AMPH: variants seen among roughly 807,000 people sequenced by gnomAD.
AMPH encodes amphiphysin (Stiff-Mann syndrome with breast cancer 128kD autoantigen).
Under a neutral mutation model 99.1 loss-of-function variants are expected in AMPH, and 49 were observed. That is an observed-to-expected ratio of 0.49 (90% CI 0.39 to 0.63). AMPH has a LOEUF of 0.63. AMPH is among the 20% of genes least tolerant of loss of function. The pLI is 0.00. For synonymous variants in AMPH, 314 were observed against 317.3 expected (o/e 0.99, Z 0.11); for missense variants, 759 against 863.4 (o/e 0.88, Z 1.52).
At chr7:38,429,717 T>C in intron 14 of AMPH, 125 bp downstream of exon 14, 1 of 1,310,184 alleles carries the variant, frequency 7.6e-7, no homozygotes, top group Non-Finnish European at 1.1e-6. Context: ...TTACATTCAT[T>C]GGCTTAAGGT....
intron 1 of AMPH, among the ~76,000 whole-genome samples, chr7:38,602,505 C>G (rs1208301903): frequency 6.6e-6 from 1 of 152,138 alleles, no homozygotes; most frequent in African/African-American, 2.4e-5. Context: ...TGGCGCATGG[C>G]CCTGCATCAC....
intron 1 of AMPH, among the ~76,000 whole-genome samples, chr7:38,613,309 TA>T (rs773182263): frequency 1.3e-5 from 2 of 149,334 alleles, no homozygotes; most frequent in East Asian, 1.9e-4. Flanking sequence ...AGTCCCCTTA[TA>T]GCATCATCAT....
intron 17 of AMPH, among the ~76,000 whole-genome samples, chr7:38,403,290 G>T (rs576893784): frequency 6.6e-6 from 1 of 152,292 alleles, no homozygotes; most frequent in South Asian, 2.1e-4. Flanking sequence ...GGTAGGTGGG[G>T]GTGCTTCTCT....
chr7:38,539,376 G>A (rs1790727524), intron 1 of AMPH, among the ~76,000 whole-genome samples: 1 of 152,140 alleles, frequency 6.6e-6, no homozygotes, highest in Non-Finnish European at 1.5e-5. Flanking sequence ...GGGGCATGAA[G>A]AATCAAAGGA....
chr7:38,441,204 A>G (rs765827322), intron 11 of AMPH, among the ~76,000 whole-genome samples: 14 of 152,146 alleles, frequency 9.2e-5, no homozygotes, highest in Non-Finnish European at 1.8e-4. Context: ...TATGCACTCA[A>G]TTAGAGAGCT....
chr7:38,467,350 C>T (rs1384990693), intron 7 of AMPH, among the ~76,000 whole-genome samples: 1 of 152,120 alleles, frequency 6.6e-6, no homozygotes, highest in East Asian at 1.9e-4. Flanking sequence ...AGGAGAGACC[C>T]TACAGGCTAC....
chr7:38,581,924 T>C (rs1455660684), intron 1 of AMPH, among the ~76,000 whole-genome samples: 1 of 152,092 alleles, frequency 6.6e-6, no homozygotes, highest in Non-Finnish European at 1.5e-5. Flanking sequence ...GGGGTGCTCA[T>C]TTTTTCATGC....
Position 38,563,879 on chromosome 7 carries a change from T to A in AMPH, c.70-28868A>T, listed in dbSNP as rs191106738. Among the ~76,000 whole-genome samples, 646 of 152,330 alleles carry A rather than the reference T, an allele frequency of 4.2e-3. 6 individuals carry two copies. Among genetic ancestry groups the A allele is most frequent in the African/African-American group, 0.015 (615 of 41,576 alleles). On this transcript the variant is annotated intron_variant, in intron 1 of 20. Transcript: ENST00000356264. ...CTTATTTATTTTTACACTTCTGGAA[T>A]CATGTTTTCCTTCAAATTATATCCT...
chr7:38,516,017 T>C (rs1789725416), intron 2 of AMPH, among the ~76,000 whole-genome samples: 1 of 152,226 alleles, frequency 6.6e-6, no homozygotes, highest in East Asian at 1.9e-4. Flanking sequence ...CAGCCTATGC[T>C]TATATTCATG....
chr7:38,566,756 G>C (rs1475191957), intron 1 of AMPH, among the ~76,000 whole-genome samples: 1 of 152,120 alleles, frequency 6.6e-6, no homozygotes, highest in African/African-American at 2.4e-5. Flanking sequence ...CTCAAAAGAA[G>C]ACATTTATGC....
intron 14 of AMPH, chr7:38,429,442 T>C: frequency 2.3e-6 from 3 of 1,296,820 alleles, no homozygotes; most frequent in Middle Eastern, 2.1e-4. Flanking sequence ...TGGCTGACCC[T>C]GTCTGTACTA....
intron 1 of AMPH, among the ~76,000 whole-genome samples, chr7:38,571,450 AT>A (rs1792025430): frequency 7.7e-6 from 1 of 129,326 alleles, no homozygotes; most frequent in Admixed American, 8.8e-5. Flanking sequence ...GAATATATTT[AT>A]ATAGAATATA....
rs145047734 is a variant in AMPH, at chr7:38,589,783, T to C, written c.69+41500A>G. Among the ~76,000 whole-genome samples the C allele has an allele frequency of 2.9e-3, 441 of 152,296 alleles. 7 individuals carry two copies. The highest frequency in any genetic ancestry group is 0.028 in the South Asian group (134 of 4,822). Reference sequence around the variant, plus strand: ...GGCGTAAACACACCAACCTGATACATCCTTAATCAATGCCAGTTTTATATG... The same window carrying C: ...GGCGTAAACACACCAACCTGATACACCCTTAATCAATGCCAGTTTTATATG... On this transcript the variant is annotated intron_variant, in intron 1 of 20. Transcript: ENST00000356264.
chr7:38,556,630 C>T (rs1447037311), intron 1 of AMPH, among the ~76,000 whole-genome samples: 10 of 152,180 alleles, frequency 6.6e-5, no homozygotes, highest in Admixed American at 5.9e-4. Flanking sequence ...TCATTCACAC[C>T]ACCCTCCACT....
At chr7:38,397,084 A>G (rs1784692841) in intron 17 of AMPH, among the ~76,000 whole-genome samples, 1 of 152,262 alleles carries the variant, frequency 6.6e-6, no homozygotes, top group Admixed American at 6.5e-5. Context: ...ATGGACAAAC[A>G]GAGCAGCAGA....
At chr7:38,426,905 T>C (rs374487341) in intron 15 of AMPH, 49 bp downstream of exon 15, 1 of 1,568,522 alleles carries the variant, frequency 6.4e-7, no homozygotes, top group Non-Finnish European at 8.8e-7. Flanking sequence ...TTGAAAAAAA[T>C]GTGCATCATT....
chr7:38,399,915 C>A (rs1784794667), intron 17 of AMPH, among the ~76,000 whole-genome samples: 1 of 152,126 alleles, frequency 6.6e-6, no homozygotes, highest in Non-Finnish European at 1.5e-5. Context: ...TGACCTTGGG[C>A]ACATATTTAC....
intron 9 of AMPH, 83 bp from the exon 10 acceptor site, chr7:38,463,196 C>T: frequency 6.3e-7 from 1 of 1,585,274 alleles, no homozygotes; most frequent in Non-Finnish European, 8.7e-7. Context: ...TCAGAGAAAC[C>T]CAGAAGCCTA....
chr7:38,529,647 T>G (rs1790319853), intron 2 of AMPH, among the ~76,000 whole-genome samples: 1 of 152,218 alleles, frequency 6.6e-6, no homozygotes, highest in Non-Finnish European at 1.5e-5. Context: ...ACTGAGGCTC[T>G]CCATACTGCC....
Sources: allele counts gnomAD v4.1 joint callset (sites outside exome capture counted in the v4.1 genomes callset), GRCh38; gene constraint gnomAD v4.1.1; transcripts MANE v1.5; gene names NCBI Gene and HGNC (gene_info 2026-07-23, HGNC 2026-07-21).